MIS18BP1: variants seen among roughly 807,000 people sequenced by gnomAD.
The protein encoded by MIS18BP1 is mis18-binding protein 1.
In MIS18BP1, 72 loss-of-function variants were observed where a neutral mutation model predicts 116.1. The ratio of observed to expected loss-of-function variants is 0.62; its 90% CI spans 0.51 to 0.75. The LOEUF is 0.75. MIS18BP1 is among the 30% of genes least tolerant of loss of function. The pLI, the probability that MIS18BP1 is intolerant of heterozygous loss-of-function variation, is 0.00. For synonymous variants in MIS18BP1, 386 were observed against 427.0 expected (o/e 0.90, Z 1.18); for missense variants, 1,363 against 1,303.2 (o/e 1.05, Z -0.71).
intron 10 of MIS18BP1, among the ~76,000 whole-genome samples, chr14:45,225,518 T>C (rs926191585): frequency 6.6e-6 from 1 of 152,112 alleles, no homozygotes; most frequent in Admixed American, 6.6e-5. Flanking sequence ...ACTGAAACCT[T>C]ACTAAGTATT....
intron 14 of MIS18BP1, among the ~76,000 whole-genome samples, chr14:45,206,706 A>G (rs536956572): frequency 2.6e-4 from 39 of 152,334 alleles, no homozygotes; most frequent in African/African-American, 9.1e-4. Flanking sequence ...AATACTGATC[A>G]AGACTATTTT....
At chr14:45,243,108 A>C (rs1460695163) in intron 2 of MIS18BP1, among the ~76,000 whole-genome samples, 1 of 152,134 alleles carries the variant, frequency 6.6e-6, no homozygotes, top group Non-Finnish European at 1.5e-5. Context: ...AATTTTTTAA[A>C]ACCTTCTCTG....
rs760351142 is a variant in MIS18BP1 at position 45,224,280 on chromosome 14, T to C, written c.2307A>G (p.Pro769=). The C allele has an allele frequency of 5.6e-6, 9 of 1,613,738 alleles. No homozygotes were observed. In the Admixed American group the frequency reaches 8.3e-5, roughly 15 times the overall value. The change falls in exon 11 of 17, where the codon CCA becomes CCG. Residue 769 remains proline (P), a synonymous_variant. Coordinates refer to ENST00000310806, the MANE Select transcript of MIS18BP1 (RefSeq NM_018353.5). ...TTTCACTTTCTTCACTTGACAAATC[T>C]GGTGAGGACTGATGCTTATAAAATG... ...AMSFYKHQSS[P]DLSSEESETE...
At chr14:45,219,441 A>T (rs1023602393) in intron 11 of MIS18BP1, among the ~76,000 whole-genome samples, 1 of 152,246 alleles carries the variant, frequency 6.6e-6, no homozygotes, top group African/African-American at 2.4e-5. Context: ...GTGTGATAGC[A>T]CACAATTACA....
At chr14:45,206,534 G>A in intron 14 of MIS18BP1, 1 of 163,514 alleles carries the variant, frequency 6.1e-6, no homozygotes, top group Non-Finnish European at 1.3e-5. Context: ...CAAGCAATCT[G>A]CCCTCCTGGG....
intron 6 of MIS18BP1, among the ~76,000 whole-genome samples, chr14:45,233,840 G>A (rs925095071): frequency 3.3e-5 from 5 of 152,154 alleles, no homozygotes; most frequent in Admixed American, 6.5e-5. Flanking sequence ...TCCTAGTGGA[G>A]ATGTCAAATA....
chr14:45,236,959 G>A (rs1224192146), intron 5 of MIS18BP1, among the ~76,000 whole-genome samples: 1 of 150,268 alleles, frequency 6.7e-6, no homozygotes, highest in Non-Finnish European at 1.5e-5. Flanking sequence ...GGACAATACA[G>A]ATTTTACACA....
intron 11 of MIS18BP1, among the ~76,000 whole-genome samples, chr14:45,223,088 AAAC>A (rs1891017973): frequency 1.3e-5 from 2 of 152,130 alleles, no homozygotes; most frequent in South Asian, 4.1e-4. Context: ...AAACAAAACA[AAAC>A]AAAACAAAAA....
intron 11 of MIS18BP1, 69 bp downstream of exon 11, chr14:45,223,849 C>T (rs773958721): frequency 3.1e-4 from 367 of 1,173,828 alleles, no homozygotes; most frequent in Non-Finnish European, 4.1e-4. Context: ...CCCCTTATTG[C>T]TATTTTTATG....
In MIS18BP1 at chr14:45,218,350, T is replaced by G; in HGVS notation, c.2774A>C (p.Asn925Thr). 1.9e-6 allele frequency: 3 copies of G among 1,614,070 alleles called. No individual in the cohort carries two copies. The highest frequency in any genetic ancestry group is 2.5e-6 in the Non-Finnish European group (3 of 1,180,002). Residue 925 changes from asparagine to threonine, a missense_variant, in exon 12 of 17, where the codon AAT (asparagine) becomes ACT (threonine). Coordinates refer to ENST00000310806, the MANE Select transcript of MIS18BP1 (RefSeq NM_018353.5). ...TTTCTGGGATCCTTTTCCTCTGGGA[T>G]TTTCCATGTATTTCCTCTGGCATTC... ...PEECQRKYME[N>T]PRGKGSQKHV...
At chr14:45,208,857 T>A (rs1398582443) in intron 14 of MIS18BP1, among the ~76,000 whole-genome samples, 3 of 152,204 alleles carry the variant, frequency 2.0e-5, no homozygotes, top group Non-Finnish European at 4.4e-5. Flanking sequence ...ACTATTATCT[T>A]GCTTCTGCCT....
At chr14:45,240,209 C>G (rs1891538055) in intron 4 of MIS18BP1, among the ~76,000 whole-genome samples, 1 of 151,892 alleles carries the variant, frequency 6.6e-6, no homozygotes, top group Admixed American at 6.6e-5. Context: ...TAGGGCTGAT[C>G]TGCAGTAATT....
intron 2 of MIS18BP1, among the ~76,000 whole-genome samples, chr14:45,244,939 A>G (rs1315765494): frequency 1.3e-5 from 2 of 152,210 alleles, no homozygotes; most frequent in African/African-American, 2.4e-5. Flanking sequence ...GCATCATACT[A>G]GCAACTTCAA....
chr14:45,208,726 T>TA (rs576198089), intron 14 of MIS18BP1, among the ~76,000 whole-genome samples: 63 of 152,310 alleles, frequency 4.1e-4, no homozygotes, highest in African/African-American at 1.4e-3. Flanking sequence ...TCCCCTGCAC[T>TA]AAATACTAAA....
At chr14:45,204,233 A>G (rs2139130894) in intron 16 of MIS18BP1, 21 bp from the exon 17 acceptor site, 1 of 1,570,674 alleles carries the variant, frequency 6.4e-7, no homozygotes. Flanking sequence ...AAGTTTAATA[A>G]AAAGATAATA....
chr14:45,239,040 G>T (rs913532672), intron 4 of MIS18BP1, among the ~76,000 whole-genome samples: 3 of 152,020 alleles, frequency 2.0e-5, no homozygotes, highest in African/African-American at 7.2e-5. Flanking sequence ...CCCACATTTG[G>T]AACTACCTGA....
chr14:45,249,204 G>A (rs1338641155), intron 1 of MIS18BP1, among the ~76,000 whole-genome samples: 1 of 152,048 alleles, frequency 6.6e-6, no homozygotes, highest in Non-Finnish European at 1.5e-5. Context: ...CAATTCTCCT[G>A]TCTTAGCTTC....
At chr14:45,208,933 T>A (rs1210435582) in intron 14 of MIS18BP1, among the ~76,000 whole-genome samples, 4 of 152,228 alleles carry the variant, frequency 2.6e-5, no homozygotes, top group Non-Finnish European at 4.4e-5. Context: ...AATAGCCTAT[T>A]TTCAGGCCTC....
rs966353310 is a variant in MIS18BP1, at chr14:45,247,032, G to C, written c.255C>G (p.Thr85=). The C allele has an allele frequency of 6.2e-7, 1 of 1,613,442 alleles. No individual in the cohort carries two copies. Among genetic ancestry groups the C allele is most frequent in the Non-Finnish European group, 8.5e-7 (1 of 1,179,900 alleles). Residue 85 remains threonine, a synonymous_variant, in exon 2 of 17, where the codon ACC becomes ACG. Coordinates refer to ENST00000310806, the MANE Select transcript of MIS18BP1 (RefSeq NM_018353.5). ...CACTGATATCAAGAGAACTGTTAGA[G>C]GTAGTAGCCTCTGTTAGCATAGTTG... is the stretch of plus-strand genomic sequence containing the variant. ...FQSTMLTEAT[T]SNSSLDISAI...
Sources: allele counts gnomAD v4.1 joint callset (sites outside exome capture counted in the v4.1 genomes callset), GRCh38; gene constraint gnomAD v4.1.1; transcripts MANE v1.5; gene names NCBI Gene and HGNC (gene_info 2026-07-23, HGNC 2026-07-21).